Variants in BCL6B observed in about 807,000 individuals in gnomAD.
BCL6B encodes BCL6B transcription repressor, also known as B-cell CLL/lymphoma 6 member B protein.
In BCL6B, 28 loss-of-function variants were observed where a neutral mutation model predicts 44.6. The ratio of observed to expected loss-of-function variants is 0.63; its 90% CI spans 0.47 to 0.86. The LOEUF (loss-of-function observed/expected upper bound fraction) is 0.86, where lower values mean the gene tolerates loss of function less well. BCL6B is among the 40% of genes least tolerant of loss of function. The pLI, the probability that BCL6B is intolerant of heterozygous loss-of-function variation, is 0.00. For missense variants in BCL6B, 626 were observed against 652.3 expected (o/e 0.96, Z 0.44); for synonymous variants, 268 against 263.6 (o/e 1.02, Z -0.16).
chr17:7,026,223 AC>A (rs1385052411), intron 5 of BCL6B, among the ~76,000 whole-genome samples: 5 of 152,078 alleles, frequency 3.3e-5, no homozygotes, highest in Admixed American at 2.0e-4. Context: ...CCTGGCCCCC[AC>A]CACTGCTATT....
chr17:7,024,960 T>G lies in BCL6B; in HGVS notation c.765-116T>G. The G allele has an allele frequency of 6.6e-7, 1 of 1,509,748 alleles. No individual in the cohort carries two copies. Among genetic ancestry groups the G allele is most frequent in the Middle Eastern group, 1.9e-4 (1 of 5,348 alleles). 93.5% of individuals were successfully genotyped at this position (1,509,748 alleles called of 1,614,324 possible). ...CAGTACAATGGATGTGGCTCATTGGTCAACAATATTGGCTCACCCTGAGAG... is the reference window on the plus strand; with the variant it reads ...CAGTACAATGGATGTGGCTCATTGGGCAACAATATTGGCTCACCCTGAGAG... On this transcript the variant is annotated intron_variant, in intron 4 of 8. Transcript: ENST00000293805. The surrounding 1 kb of genome is among the most constrained non-coding windows in gnomAD (Gnocchi z 6.6).
At position 7,024,075 on chromosome 17, in the gene BCL6B, C is replaced by T; in HGVS notation, c.180-8C>T. The T allele has an allele frequency of 1.2e-6, 2 of 1,613,632 alleles. No individual in the cohort carries two copies. The highest frequency in any genetic ancestry group is 1.7e-6 in the Non-Finnish European group (2 of 1,179,786). ...AGCCCCCAAAGGACTTATCTGCTCT[C>T]TCTCTAGTGGCTTCTTCTATTCAAT... On this transcript the variant is annotated splice_region_variant and splice_polypyrimidine_tract_variant and intron_variant, in intron 2 of 8. Coordinates refer to ENST00000293805, the MANE Select transcript of BCL6B (RefSeq NM_181844.4). The surrounding 1 kb of genome is among the most constrained non-coding windows in gnomAD (Gnocchi z 6.6).
intron 1 of BCL6B, 164 bp from the exon 2 acceptor site, chr17:7,023,496 T>G: frequency 1.5e-6 from 1 of 669,456 alleles, no homozygotes. Flanking sequence ...GAGGGTGTCG[T>G]AGAGGGCAGA....
In BCL6B at chr17:7,029,519, G is replaced by A; in HGVS notation, c.*1900G>A. On this transcript the variant is annotated 3_prime_UTR_variant, in exon 9 of 9. Transcript: ENST00000293805. ...AAAGAAGGAAGAAGGGAAGGCGGAGGAGTCTATAAGAAGGAATCATGATTT... is the reference window on the plus strand; with the variant it reads ...AAAGAAGGAAGAAGGGAAGGCGGAGAAGTCTATAAGAAGGAATCATGATTT... 4.6e-6 allele frequency: 5 copies of A among 1,076,614 alleles called. No individual in the cohort carries two copies. Among genetic ancestry groups the A allele is most frequent in the Non-Finnish European group, 5.7e-6 (5 of 881,280 alleles). The allele number at this position is 1,076,614 out of a possible 1,614,324, so 66.7% of individuals were successfully genotyped here.
chr17:7,025,072 C>T lies in BCL6B; in HGVS notation c.765-4C>T. The T allele has an allele frequency of 6.2e-7, 1 of 1,614,038 alleles. No homozygotes were observed. Among genetic ancestry groups the T allele is most frequent in the Non-Finnish European group, 8.5e-7 (1 of 1,179,940 alleles). ...TTTTAACCCTTTCCTTGCCATCTGC[C>T]TAGGCTCTCTCCAACTGCTGCCACT... On this transcript the variant is annotated splice_region_variant and splice_polypyrimidine_tract_variant and intron_variant, in intron 4 of 8. Transcript: ENST00000293805.
chr17:7,026,314 C>G, intron 5 of BCL6B, 143 bp from the exon 6 acceptor site: 2 of 1,087,708 alleles, frequency 1.8e-6, no homozygotes, highest in South Asian at 3.1e-5. Context: ...CTTACTTGGC[C>G]TTGAGCAAGT....
chr17:7,026,578 C>G lies in BCL6B; in HGVS notation c.1011C>G (p.Phe337Leu), dbSNP rs763635520. The change falls in exon 6 of 9, where the codon TTC becomes TTG. Residue 337 changes from phenylalanine (F) to leucine (L), a missense_variant. Transcript: ENST00000293805. ...PYKCQLCRSS[F>L]RYKGNLASHR... ...AGTGTCAGCTGTGCCGGTCTTCGTT[C>G]CGCTACAAGGGCAACCTTGCCAGTC... The G allele has an allele frequency of 2.5e-6, 4 of 1,614,188 alleles. No homozygotes were observed. The highest frequency in any genetic ancestry group is 1.7e-4 in the Middle Eastern group (1 of 6,060).
At chr17:7,023,588 G>C (rs72834413) in intron 1 of BCL6B, 72 bp from the exon 2 acceptor site, 18 of 1,447,342 alleles carry the variant, frequency 1.2e-5, no homozygotes, top group Non-Finnish European at 1.6e-5. Flanking sequence ...ACCTCGGAAG[G>C]AAAAGGCAAA....
chr17:7,026,237 AGAG>A (rs768737944), intron 5 of BCL6B, among the ~76,000 whole-genome samples: 6 of 152,132 alleles, frequency 3.9e-5, no homozygotes, highest in Non-Finnish European at 5.9e-5. Flanking sequence ...CTGCTATTGA[AGAG>A]GAGATTAGCT....
Position 7,026,976 on chromosome 17 carries a change from G to C in BCL6B, c.1212G>C (p.Leu404=). 1 of 1,613,138 alleles carries C rather than the reference G, an allele frequency of 6.2e-7. No individual in the cohort carries two copies. The highest frequency in any genetic ancestry group is 1.3e-5 in the African/African-American group (1 of 74,978). ...TGGCACATCTGCGGGCGCACGTGCT[G>C]ATCCACACCGGGGAGAAGCCCTACC... ...VQVAHLRAHV[L]IHTGEKPYPC... Residue 404 remains leucine (L), a synonymous_variant, in exon 8 of 9, where the codon CTG becomes CTC. Transcript: ENST00000293805.
At position 7,029,398 on chromosome 17, in the gene BCL6B, CAAT is replaced by C. The variant is rs368976380; in HGVS notation, c.*1782_*1784del. The C allele has an allele frequency of 6.9e-3, 6,889 of 1,000,632 alleles. 35 individuals carry two copies. Among genetic ancestry groups the C allele is most frequent in the Middle Eastern group, 0.022 (44 of 1,966 alleles). 62.0% of individuals were successfully genotyped at this position (1,000,632 alleles called of 1,614,324 possible). ...TTGAATTTGTGGGGTAGAACTTCAA[CAAT>C]AAGTCAGTTCTAGTGGCTGTCGCCT... On this transcript the variant is annotated 3_prime_UTR_variant, in exon 9 of 9. Coordinates refer to ENST00000293805, the MANE Select transcript of BCL6B (RefSeq NM_181844.4).
Position 7,026,753 on chromosome 17 carries a change from C to T in BCL6B, c.1103C>T (p.Pro368Leu). Residue 368 changes from proline (P) to leucine (L), a missense_variant, in exon 7 of 9, where the codon CCA (proline) becomes CTA (leucine). By Grantham distance (98) the Pro-to-Leu change is moderately conservative (BLOSUM62 -3). Coordinates refer to ENST00000293805, the MANE Select transcript of BCL6B (RefSeq NM_181844.4). ...ATCTGCGGAGCCCGTTTTAACCGGC[C>T]AGCAAACCTGAAAACGCACAGCCGC... ...CSICGARFNR[P>L]ANLKTHSRIH... 1 of 1,614,182 alleles carries T rather than the reference C, an allele frequency of 6.2e-7. No homozygotes were observed. Among genetic ancestry groups the T allele is most frequent in the Non-Finnish European group, 8.5e-7 (1 of 1,180,044 alleles).
Position 7,024,041 on chromosome 17 carries a change from T to C in BCL6B, c.180-42T>C, listed in dbSNP as rs1184510369. On this transcript the variant is annotated intron_variant, in intron 2 of 8. Transcript: ENST00000293805. The surrounding 1 kb of genome is among the most constrained non-coding windows in gnomAD (Gnocchi z 6.6). ...TTCCTGAAGCTGCGCATGTCTCCCT[T>C]GGTTCCCCAGCCCCCAAAGGACTTA... is the stretch of plus-strand genomic sequence containing the variant. 3 of 1,599,552 alleles carry C rather than the reference T, an allele frequency of 1.9e-6. No homozygotes were observed. The highest frequency in any genetic ancestry group is 1.7e-6 in the Non-Finnish European group (2 of 1,168,480).
chr17:7,024,635 G>T lies in BCL6B; in HGVS notation c.636G>T (p.Leu212=). The T allele has an allele frequency of 6.2e-7, 1 of 1,614,166 alleles. No homozygotes were observed. The highest frequency in any genetic ancestry group is 8.5e-7 in the Non-Finnish European group (1 of 1,180,042). Residue 212 remains leucine (L), a synonymous_variant, in exon 4 of 9, where the codon CTG becomes CTT. Transcript: ENST00000293805. The surrounding 1 kb of genome is among the most constrained non-coding windows in gnomAD (Gnocchi z 6.6). The part of the protein sequence containing the change: ...LNSQASQAGS[L]VGERSSGQPC... ...CTCAGGCCTCCCAAGCAGGGAGCCT[G>T]GTCGGGGAGAGAAGTTCTGGTCAAC...
Position 7,025,231 on chromosome 17 carries a change from C to T in BCL6B, c.889+31C>T, listed in dbSNP as rs758158010. The T allele has an allele frequency of 2.4e-5, 39 of 1,612,488 alleles. No individual in the cohort carries two copies. The East Asian group carries it at 3.3e-4, about 14-fold the overall frequency. On this transcript the variant is annotated intron_variant, in intron 5 of 8. Transcript: ENST00000293805. ...AGCCCCTCTTTCTTGGCTTTTCTCC[C>T]GTGACTGCTCCAGGCAAGTTTGTGC...
chr17:7,023,252 G>T, intron 1 of BCL6B, 153 bp downstream of exon 1: 1 of 191,256 alleles, frequency 5.2e-6, no homozygotes, highest in Non-Finnish European at 1.1e-5. Flanking sequence ...CGTAGTTCGG[G>T]GAAGGGAGCC....
At chr17:7,023,636 G>C in intron 1 of BCL6B, 24 bp from the exon 2 acceptor site, 4 of 1,588,774 alleles carry the variant, frequency 2.5e-6, no homozygotes, top group South Asian at 1.1e-5. Context: ...CCTGGATCCA[G>C]AGCACTTTCC....
At position 7,024,060 on chromosome 17, in the gene BCL6B, G is replaced by A. The variant is rs766293348; in HGVS notation, c.180-23G>A. Reference sequence around the variant, plus strand: ...CTCCCTTGGTTCCCCAGCCCCCAAAGGACTTATCTGCTCTCTCTCTAGTGG... The same window carrying A: ...CTCCCTTGGTTCCCCAGCCCCCAAAAGACTTATCTGCTCTCTCTCTAGTGG... On this transcript the variant is annotated intron_variant, in intron 2 of 8. Transcript: ENST00000293805. The surrounding 1 kb of genome is among the most constrained non-coding windows in gnomAD (Gnocchi z 6.6). 3 of 1,611,900 alleles carry A rather than the reference G, an allele frequency of 1.9e-6. No homozygotes were observed. Among genetic ancestry groups the A allele is most frequent in the Non-Finnish European group, 2.5e-6 (3 of 1,178,500 alleles).
In BCL6B at chr17:7,025,094, C is replaced by T; in HGVS notation, c.783C>T (p.Ala261=). 1 of 1,614,112 alleles carries T rather than the reference C, an allele frequency of 6.2e-7. No homozygotes were observed. The highest frequency in any genetic ancestry group is 8.5e-7 in the Non-Finnish European group (1 of 1,179,986). ...TGCCTAGGCTCTCTCCAACTGCTGCCACTGTGCAGTTCAAATGTGGGGCTC... is the reference window on the plus strand; with the variant it reads ...TGCCTAGGCTCTCTCCAACTGCTGCTACTGTGCAGTTCAAATGTGGGGCTC... ...GPQSRLSPTA[A]TVQFKCGAPA... The change falls in exon 5 of 9, where the codon GCC becomes GCT. Residue 261 remains alanine (A), a synonymous_variant. Coordinates refer to ENST00000293805, the MANE Select transcript of BCL6B (RefSeq NM_181844.4).
Sources: gnomAD v4.1 joint callset for allele counts (sites outside exome capture counted in the v4.1 genomes callset) on GRCh38, gnomAD v4.1.1 for gene constraint, Gnocchi (gnomAD v3.1) non-coding constraint, MANE v1.5 for transcripts, NCBI Gene and HGNC (gene_info 2026-07-23, HGNC 2026-07-21) for gene names.